Variants in PRDM16 observed in about 807,000 individuals in gnomAD.
The protein encoded by PRDM16 is histone-lysine N-methyltransferase PRDM16.
In PRDM16, 23 loss-of-function variants were observed where a neutral mutation model predicts 110.6. The ratio of observed to expected loss-of-function variants is 0.21; its 90% CI spans 0.15 to 0.29. PRDM16 has a LOEUF of 0.29. Ranked by LOEUF, PRDM16 falls within the 10% of genes least tolerant of loss-of-function variation. The probability of loss-of-function intolerance (pLI) is 1.00; values close to 1 mark genes in which losing one functional copy is unlikely to be tolerated. For synonymous variants in PRDM16, 799 were observed against 781.8 expected (o/e 1.02, Z -0.37); for missense variants, 1,615 against 1,794.3 (o/e 0.90, Z 1.81).
intron 3 of PRDM16, among the ~76,000 whole-genome samples, chr1:3,376,851 T>C (rs1642999202): frequency 6.6e-6 from 1 of 151,360 alleles, no homozygotes; most frequent in East Asian, 2.0e-4. Flanking sequence ...CTGGCCGTGG[T>C]GTGGCCCCAT....
At chr1:3,116,317 G>A (rs932106818) in intron 1 of PRDM16, among the ~76,000 whole-genome samples, 5 of 152,150 alleles carry the variant, frequency 3.3e-5, no homozygotes, top group East Asian at 1.9e-4. Context: ...CTCACTCCGC[G>A]GTGCGTGCTT....
At position 3,243,815 on chromosome 1, in the gene PRDM16, C is replaced by A. The variant is rs554218781; in HGVS notation, c.388-272C>A. Among the ~76,000 whole-genome samples, 33 of 152,310 alleles carry A rather than the reference C, an allele frequency of 2.2e-4. No homozygotes were observed. Among genetic ancestry groups the A allele is most frequent in the African/African-American group, 7.9e-4 (33 of 41,562 alleles). Reference sequence around the variant, plus strand: ...CCAACCACTAAAGGGCCAGAGTGAGCTACACAGTGTGTCTCCATCCCTGGA... The same window carrying A: ...CCAACCACTAAAGGGCCAGAGTGAGATACACAGTGTGTCTCCATCCCTGGA... On this transcript the variant is annotated intron_variant, in intron 2 of 16. Coordinates refer to ENST00000270722, the MANE Select transcript of PRDM16 (RefSeq NM_022114.4). This position sits in a 1 kb window ranked among gnomAD's most constrained non-coding sequence, Gnocchi z 5.5.
At chr1:3,112,493 G>A (rs1642818552) in intron 1 of PRDM16, among the ~76,000 whole-genome samples, 1 of 152,248 alleles carries the variant, frequency 6.6e-6, no homozygotes, top group South Asian at 2.1e-4. Flanking sequence ...TGCACGGGAA[G>A]GCTCTGTGTT....
intron 5 of PRDM16, 31 bp downstream of exon 5, chr1:3,396,624 C>T (rs1222473221): frequency 1.0e-6 from 1 of 963,602 alleles, no homozygotes; most frequent in Non-Finnish European, 1.6e-6. Flanking sequence ...CGGGCCACGG[C>T]CCCTGGGAGC....
intron 2 of PRDM16, chr1:3,186,732 T>C (rs1644273097): frequency 1.1e-5 from 5 of 451,982 alleles, no homozygotes; most frequent in Non-Finnish European, 1.6e-5. Context: ...CATGAGCTCA[T>C]GTCTTAAAAC....
Position 3,436,302 on chromosome 1 carries a change from G to A in PRDM16, c.*2491G>A, listed in dbSNP as rs1047888251. ...AGCAGGAGCAGAACCGATGAGAGCC[G>A]CCCTTACCGTTGGTCTCCGGATCCC... On this transcript the variant is annotated 3_prime_UTR_variant, in exon 17 of 17. Transcript: ENST00000270722. The A allele has an allele frequency of 3.5e-5, 8 of 230,400 alleles. No individual in the cohort carries two copies. Among genetic ancestry groups the A allele is most frequent in the South Asian group, 1.8e-4 (1 of 5,514 alleles). 14.3% of individuals were successfully genotyped at this position (230,400 alleles called of 1,614,324 possible).
chr1:3,421,336 G>T (rs1193335950), intron 12 of PRDM16, among the ~76,000 whole-genome samples: 1 of 152,140 alleles, frequency 6.6e-6, no homozygotes, highest in Admixed American at 6.5e-5. Context: ...AGTGCAGCAG[G>T]CACGGTCACA....
rs753567065 is a variant in PRDM16, at chr1:3,402,924, C to T, written c.810C>T (p.Pro270=). 38 of 1,612,962 alleles carry T rather than the reference C, an allele frequency of 2.4e-5. No homozygotes were observed. Among genetic ancestry groups the T allele is most frequent in the South Asian group, 5.5e-5 (5 of 91,074 alleles). The change falls in exon 6 of 17, where the codon CCC becomes CCT. Residue 270 remains proline, a synonymous_variant. Coordinates refer to ENST00000270722, the MANE Select transcript of PRDM16 (RefSeq NM_022114.4). ...AGGGCCTGGCTGAGGAGCTCAAGCC[C>T]GAGGGCCTTGGCGGTGGCAGCGGCC... ...LYEGLAEELK[P]EGLGGGSGQA...
chr1:3,165,324 G>T (rs558145251), intron 1 of PRDM16, among the ~76,000 whole-genome samples: 1 of 149,878 alleles, frequency 6.7e-6, no homozygotes, highest in Admixed American at 6.6e-5. Flanking sequence ...GTTGCACTTG[G>T]CCTCAGGGGC....
At chr1:3,104,051 C>T (rs1183335392) in intron 1 of PRDM16, among the ~76,000 whole-genome samples, 1 of 152,226 alleles carries the variant, frequency 6.6e-6, no homozygotes, top group African/African-American at 2.4e-5. Flanking sequence ...GCCGAAGTCA[C>T]TGCTCCTTGG....
At chr1:3,211,655 C>A (rs958694284) in intron 2 of PRDM16, among the ~76,000 whole-genome samples, 1 of 152,184 alleles carries the variant, frequency 6.6e-6, no homozygotes, top group African/African-American at 2.4e-5. Context: ...TGGGGGCCGG[C>A]GCTGGTGGTC....
At chr1:3,394,431 T>G (rs1643352215) in intron 4 of PRDM16, 1 of 394,820 alleles carries the variant, frequency 2.5e-6, no homozygotes, top group African/African-American at 2.6e-5. Flanking sequence ...AAGCAGGGAG[T>G]GCGGGAGGAT....
At chr1:3,241,074 G>A (rs1300667012) in intron 2 of PRDM16, among the ~76,000 whole-genome samples, 5 of 152,240 alleles carry the variant, frequency 3.3e-5, no homozygotes, top group Non-Finnish European at 5.9e-5. Context: ...GGCGAGGCTG[G>A]GGGAGCCGGG....
At position 3,336,633 on chromosome 1, in the gene PRDM16, CAT is replaced by C. The variant is rs1470329222; in HGVS notation, c.439-48518_439-48517del. Among the ~76,000 whole-genome samples the C allele has an allele frequency of 4.6e-4, 68 of 146,948 alleles. 1 individual carries two copies. Among genetic ancestry groups the C allele is most frequent in the African/African-American group, 1.6e-3 (61 of 39,190 alleles). On this transcript the variant is annotated intron_variant, in intron 3 of 16. Transcript: ENST00000270722. ...GTGAGTCTGTGAGTGCATGCATGCACATGTGTGTTGGAGTGAGTGTGTGTATG... is the reference window on the plus strand; with the variant it reads ...GTGAGTCTGTGAGTGCATGCATGCACGTGTGTTGGAGTGAGTGTGTGTATG...
rs541921510 is a variant in PRDM16 at position 3,255,545 on chromosome 1, G to T, written c.438+11408G>T. The stretch of plus-strand genomic sequence containing the variant: ...CATTCATCTGTGGCCACAGTGGCAC[G>T]GGGAGGGGGCGGGAGACACAAGCCA... On this transcript the variant is annotated intron_variant, in intron 3 of 16. Transcript: ENST00000270722. This position sits in a 1 kb window ranked among gnomAD's most constrained non-coding sequence, Gnocchi z 4.7. Among the ~76,000 whole-genome samples, 24 of 152,282 alleles carry T rather than the reference G, an allele frequency of 1.6e-4. No individual in the cohort carries two copies. Among genetic ancestry groups the T allele is most frequent in the Non-Finnish European group, 3.1e-4 (21 of 68,022 alleles).
chr1:3,259,512 A>C (rs1640117518), intron 3 of PRDM16, among the ~76,000 whole-genome samples: 1 of 152,098 alleles, frequency 6.6e-6, no homozygotes. Context: ...CCTCCACATA[A>C]TCATGAGAAA....
chr1:3,177,317 G>A lies in PRDM16; in HGVS notation c.38-8808G>A, dbSNP rs536865843. On this transcript the variant is annotated intron_variant, in intron 1 of 16. Transcript: ENST00000270722. ...ACCTCTTCTGCTGGACATGACGAAG[G>A]CCCTTACTGACTGCCAGGAAACTGT... Among the ~76,000 whole-genome samples the A allele has an allele frequency of 2.0e-5, 3 of 152,290 alleles. No homozygotes were observed. The East Asian group carries it at 5.8e-4, about 29-fold the overall frequency.
At chr1:3,204,899 G>C (rs1422418472) in intron 2 of PRDM16, among the ~76,000 whole-genome samples, 2 of 152,214 alleles carry the variant, frequency 1.3e-5, no homozygotes, top group Non-Finnish European at 2.9e-5. Flanking sequence ...CCCCCGTTGG[G>C]GGGGGCCCTC....
chr1:3,074,383 G>T lies in PRDM16; in HGVS notation c.37+5087G>T, dbSNP rs549732463. ...TTCCCCTCCCCCACAGAGCACCACA[G>T]GCTGCCGTTAATTCCATAGGGTTTT... On this transcript the variant is annotated intron_variant, in intron 1 of 16. Coordinates refer to ENST00000270722, the MANE Select transcript of PRDM16 (RefSeq NM_022114.4). Among the ~76,000 whole-genome samples, 13 of 152,274 alleles carry T rather than the reference G, an allele frequency of 8.5e-5. No homozygotes were observed. The South Asian group carries it at 2.7e-3, about 32-fold the overall frequency.
Sources: allele counts gnomAD v4.1 joint callset (sites outside exome capture counted in the v4.1 genomes callset), GRCh38; gene constraint gnomAD v4.1.1; non-coding constraint Gnocchi (gnomAD v3.1); transcripts MANE v1.5; gene names NCBI Gene and HGNC (gene_info 2026-07-23, HGNC 2026-07-21).